SBF2: variants seen among roughly 807,000 people sequenced by gnomAD.
SBF2 encodes the protein SET binding factor 2.
Under a neutral mutation model 225.2 loss-of-function variants are expected in SBF2, and 112 were observed. The observed-to-expected ratio is 0.50, with a 90% CI of 0.43 to 0.58. The LOEUF (loss-of-function observed/expected upper bound fraction) is 0.58, where lower values mean the gene tolerates loss of function less well. SBF2 is among the 20% of genes least tolerant of loss of function. The pLI is 0.00. For synonymous variants in SBF2, 763 were observed against 773.3 expected (o/e 0.99, Z 0.22); for missense variants, 1,996 against 2,206.2 (o/e 0.90, Z 1.91).
chr11:10,013,808 G>A (rs1948544120), intron 6 of SBF2, among the ~76,000 whole-genome samples: 1 of 152,154 alleles, frequency 6.6e-6, no homozygotes, highest in South Asian at 2.1e-4. Flanking sequence ...TTTTCCAAAT[G>A]CAGCACTCAC....
chr11:10,079,232 A>G (rs1313523717), intron 2 of SBF2, among the ~76,000 whole-genome samples: 1 of 152,202 alleles, frequency 6.6e-6, no homozygotes, highest in Non-Finnish European at 1.5e-5. Context: ...GAAATCTCAC[A>G]ACAATGTACA....
chr11:10,139,894 C>T (rs551868260), intron 2 of SBF2, among the ~76,000 whole-genome samples: 84 of 152,152 alleles, frequency 5.5e-4, no homozygotes, highest in Non-Finnish European at 1.1e-3. Context: ...CCACTGGGTG[C>T]GGATTAGCAG....
intron 17 of SBF2, among the ~76,000 whole-genome samples, chr11:9,861,948 G>A (rs1411989606): frequency 6.6e-6 from 1 of 152,200 alleles, no homozygotes; most frequent in Non-Finnish European, 1.5e-5. Flanking sequence ...GCAAGACAGA[G>A]TGACAGTGGC....
intron 33 of SBF2, among the ~76,000 whole-genome samples, chr11:9,794,755 A>C (rs1055952364): frequency 2.7e-5 from 4 of 149,840 alleles, no homozygotes; most frequent in Non-Finnish European, 4.4e-5. Flanking sequence ...TACCTTCCCA[A>C]TAAGCAGTAT....
At chr11:10,289,653 G>A (rs1237765771) in intron 1 of SBF2, among the ~76,000 whole-genome samples, 1 of 152,086 alleles carries the variant, frequency 6.6e-6, no homozygotes, top group Admixed American at 6.5e-5. Context: ...CCAGGGATGC[G>A]GCCCTAGGCG....
chr11:9,928,965 G>C (rs1864270459), intron 16 of SBF2: 1 of 474,684 alleles, frequency 2.1e-6, no homozygotes, highest in Non-Finnish European at 4.1e-6. Flanking sequence ...TCATAAAGCA[G>C]CAGAGATAAC....
At chr11:10,004,175 T>G (rs1297137842) in intron 6 of SBF2, among the ~76,000 whole-genome samples, 1 of 152,128 alleles carries the variant, frequency 6.6e-6, no homozygotes, top group Non-Finnish European at 1.5e-5. Context: ...CTCCAGATAG[T>G]TTCTAGAATA....
Position 9,847,040 on chromosome 11 carries a change from G to A in SBF2, c.2850C>T (p.Ile950=), listed in dbSNP as rs74642088. The part of the protein sequence containing the change: ...TVVRSFPIAS[I]TKEKKITMQN... ...GCATTGTAATCTTCTTCTCCTTGGT[G>A]ATGGAGGCAATGGGAAAGCTCCGCA... Residue 950 remains isoleucine, a synonymous_variant, in exon 23 of 40, where the codon ATC becomes ATT. Transcript: ENST00000256190. The A allele has an allele frequency of 3.1e-3, 4,957 of 1,613,772 alleles. 126 individuals are homozygous for A. The African/African-American group carries it at 0.055, about 18-fold the overall frequency.
chr11:9,865,688 C>CAAAAAAAAAAAA lies in SBF2; in HGVS notation c.1930-7304_1930-7293dup, dbSNP rs1174863548. Among the ~76,000 whole-genome samples the CAAAAAAAAAAAA allele has an allele frequency of 7.4e-4, 11 of 14,842 alleles. 2 individuals carry two copies. The highest frequency in any genetic ancestry group is 2.6e-3 in the African/African-American group (10 of 3,820). The allele number at this position is 14,842 out of a possible 152,430, so 9.7% of individuals were successfully genotyped here. A position where few individuals can be genotyped will look rare whatever the true frequency, so the allele number is the denominator to read the frequency against. Reference sequence around the variant, plus strand: ...CCTGGATGACAGAGCAAAACTGTCTCAAAAAAAAAAAAAAAAAAAAAAAAA... The same window carrying CAAAAAAAAAAAA: ...CCTGGATGACAGAGCAAAACTGTCTCAAAAAAAAAAAAAAAAAAAAAAAAAAAAAAAAAAAAA... On this transcript the variant is annotated intron_variant, in intron 17 of 39. Transcript: ENST00000256190.
In SBF2 at chr11:9,784,890, G is replaced by C. The variant is rs529048280; in HGVS notation, c.5231+235C>G. ...AAACGTTCTGGCAGACAGGAGATAA[G>C]AGCCATCAGGACTCAACTACAAATA... On this transcript the variant is annotated intron_variant, in intron 37 of 39. Coordinates refer to ENST00000256190, the MANE Select transcript of SBF2 (RefSeq NM_030962.4). 3 of 565,828 alleles carry C rather than the reference G, an allele frequency of 5.3e-6. No homozygotes were observed. The African/African-American group carries it at 5.6e-5, about 11-fold the overall frequency. 35.1% of individuals were successfully genotyped at this position (565,828 alleles called of 1,614,324 possible).
At chr11:10,106,362 C>A (rs1329814175) in intron 2 of SBF2, among the ~76,000 whole-genome samples, 1 of 152,242 alleles carries the variant, frequency 6.6e-6, no homozygotes, top group Non-Finnish European at 1.5e-5. Flanking sequence ...CACAGTGGCT[C>A]ATGCCTGTAA....
chr11:9,812,627 T>A lies in SBF2; in HGVS notation c.4060A>T (p.Lys1354Ter). 1 of 1,614,192 alleles carries A rather than the reference T, an allele frequency of 6.2e-7. No homozygotes were observed. The highest frequency in any genetic ancestry group is 8.5e-7 in the Non-Finnish European group (1 of 1,180,014). Residue 1354 changes from lysine (K) to a stop codon, truncating the protein, a stop_gained, in exon 30 of 40, where the codon AAG becomes TAG. Transcript: ENST00000256190. LOFTEE classifies it high-confidence loss of function. ...HEIRQVKASF[K>*]KLMRACIPST... ...GGGATACAAGCCCTCATCAGCTTCTTAAAACTGGCTTTCACTTGCCGGATT... is the reference window on the plus strand; with the variant it reads ...GGGATACAAGCCCTCATCAGCTTCTAAAAACTGGCTTTCACTTGCCGGATT...
chr11:9,962,219 T>C (rs1866619951), intron 15 of SBF2, 113 bp from the exon 16 acceptor site: 3 of 900,278 alleles, frequency 3.3e-6, no homozygotes, highest in African/African-American at 3.3e-5. Context: ...AACATAGTTA[T>C]TAGTAAAATT....
intron 1 of SBF2, among the ~76,000 whole-genome samples, chr11:10,287,367 G>A (rs1441368126): frequency 6.6e-6 from 1 of 152,124 alleles, no homozygotes; most frequent in South Asian, 2.1e-4. Context: ...CTGCAGCTTC[G>A]AACTCCTAGG....
chr11:9,922,253 A>G (rs1040908418), intron 16 of SBF2, among the ~76,000 whole-genome samples: 1 of 152,192 alleles, frequency 6.6e-6, no homozygotes, highest in Non-Finnish European at 1.5e-5. Context: ...CTGTCTCAAA[A>G]AAAGAAAAAG....
intron 28 of SBF2, among the ~76,000 whole-genome samples, chr11:9,821,570 T>C (rs919179900): frequency 1.3e-5 from 2 of 152,216 alleles, no homozygotes; most frequent in African/African-American, 2.4e-5. Flanking sequence ...ATTTCCTGAA[T>C]GATTTCTAGA....
rs1373091395 is a variant in SBF2 at position 9,895,961 on chromosome 11, C to G, written c.1911G>C (p.Leu637Phe). The change falls in exon 17 of 40, where the codon TTG becomes TTC. Residue 637 changes from leucine (L) to phenylalanine (F), a missense_variant. Transcript: ENST00000256190. ...AACTTACCCTATAGAAAGCACTGGT[C>G]AAAGGGAGTAATGCTGCGGCAATGT... ...EYNIAAALLP[L>F]TSAFYRKLAP... 5 of 1,612,786 alleles carry G rather than the reference C, an allele frequency of 3.1e-6. No individual in the cohort carries two copies. The highest frequency in any genetic ancestry group is 1.3e-5 in the African/African-American group (1 of 74,990).
chr11:9,868,366 A>AAAAAAAAAAAAAAAG (rs1554933292), intron 17 of SBF2, among the ~76,000 whole-genome samples: 2 of 114,922 alleles, frequency 1.7e-5, no homozygotes, highest in Non-Finnish European at 1.8e-5. Context: ...AAAAAAAAAA[A>AAAAAAAAAAAAAAAG]AATTAGGCGG....
At chr11:10,248,332 G>A (rs187638604) in intron 1 of SBF2, among the ~76,000 whole-genome samples, 142 of 152,320 alleles carry the variant, frequency 9.3e-4, no homozygotes, top group Admixed American at 2.7e-3. Flanking sequence ...ATTGGTGAAA[G>A]GGAATTTATG....
Sources: gnomAD v4.1 joint callset for allele counts (sites outside exome capture counted in the v4.1 genomes callset) on GRCh38, gnomAD v4.1.1 for gene constraint, MANE v1.5 for transcripts, NCBI Gene and HGNC (gene_info 2026-07-23, HGNC 2026-07-21) for gene names.